The following SIPA1L1 variants were observed in gnomAD, a reference collection of about 807,000 sequenced individuals.
SIPA1L1 encodes signal-induced proliferation-associated 1-like protein 1.
A neutral mutation model predicts 162.7 loss-of-function variants in SIPA1L1; 26 were observed. The ratio of observed to expected loss-of-function variants is 0.16; its 90% CI spans 0.12 to 0.22. The LOEUF (loss-of-function observed/expected upper bound fraction) is 0.22. Among genes scored for constraint, SIPA1L1 ranks in the 10% least tolerant of loss-of-function variants. SIPA1L1 has a pLI of 1.00. For missense variants in SIPA1L1, 1,874 were observed against 2,241.0 expected (o/e 0.84, Z 3.31); for synonymous variants, 829 against 837.4 (o/e 0.99, Z 0.17).
intron 2 of SIPA1L1, among the ~76,000 whole-genome samples, chr14:71,500,046 A>T (rs955456160): frequency 2.0e-5 from 3 of 152,212 alleles, no homozygotes; most frequent in African/African-American, 7.2e-5. Context: ...TGCTAATATT[A>T]GTTGAATTAG....
At chr14:71,426,614 T>C (rs1050997278) in intron 2 of SIPA1L1, among the ~76,000 whole-genome samples, 5 of 151,684 alleles carry the variant, frequency 3.3e-5, no homozygotes, top group Non-Finnish European at 5.9e-5. Flanking sequence ...CTCAGCCTCC[T>C]GAGTAGCTGG....
At chr14:71,688,205 C>G (rs2081005830) in intron 13 of SIPA1L1, among the ~76,000 whole-genome samples, 1 of 152,126 alleles carries the variant, frequency 6.6e-6, no homozygotes, top group South Asian at 2.1e-4. Context: ...ATCCAAAAGT[C>G]TGAAATCTGT....
chr14:71,588,805 A>C lies in SIPA1L1; in HGVS notation c.933A>C (p.Ser311=), dbSNP rs779298092. 2 of 1,614,154 alleles carry C rather than the reference A, an allele frequency of 1.2e-6. No individual in the cohort carries two copies. The highest frequency in any genetic ancestry group is 1.7e-6 in the Non-Finnish European group (2 of 1,179,996). The change falls in exon 5 of 24, where the codon TCA becomes TCC. Residue 311 remains serine, a synonymous_variant. Coordinates refer to ENST00000381232, the MANE Select transcript of SIPA1L1 (RefSeq NM_001386936.1). This position sits in a 1 kb window ranked among gnomAD's most constrained non-coding sequence, Gnocchi z 4.3. ...AAGGTGAAGAACTTGGGAAGTCATC[A>C]GATCTTGAAGATAACCGATCAGAAG... ...NAKGEELGKS[S]DLEDNRSEDS...
At chr14:71,521,931 G>T (rs781049501) in intron 3 of SIPA1L1, among the ~76,000 whole-genome samples, 1 of 152,016 alleles carries the variant, frequency 6.6e-6, no homozygotes, top group African/African-American at 2.4e-5. Flanking sequence ...CCTTTATTTG[G>T]TTGTCATCTT....
At chr14:71,648,837 G>T (rs891282408) in intron 7 of SIPA1L1, among the ~76,000 whole-genome samples, 1 of 152,184 alleles carries the variant, frequency 6.6e-6, no homozygotes, top group African/African-American at 2.4e-5. Context: ...TTGAGTTCTG[G>T]TGATAGTTAA....
At chr14:71,670,854 TA>T (rs564168686) in intron 10 of SIPA1L1, among the ~76,000 whole-genome samples, 216 of 151,480 alleles carry the variant, frequency 1.4e-3, no homozygotes, top group Non-Finnish European at 2.5e-3. Flanking sequence ...TCCTGTCTGG[TA>T]AAAAAAAAGT....
At chr14:71,326,620 A>G (rs1363947630) in intron 2 of SIPA1L1, among the ~76,000 whole-genome samples, 6 of 151,308 alleles carry the variant, frequency 4.0e-5, no homozygotes, top group Admixed American at 6.6e-5. Context: ...AGACTTGACT[A>G]TGGTCAGTGT....
At chr14:71,455,424 T>C (rs1449269477) in intron 2 of SIPA1L1, among the ~76,000 whole-genome samples, 1 of 152,174 alleles carries the variant, frequency 6.6e-6, no homozygotes, top group East Asian at 1.9e-4. Context: ...GTTTATAGTT[T>C]AGAATTCTTT....
At chr14:71,390,904 A>C (rs918483796) in intron 2 of SIPA1L1, among the ~76,000 whole-genome samples, 3 of 152,040 alleles carry the variant, frequency 2.0e-5, no homozygotes, top group African/African-American at 7.2e-5. Flanking sequence ...CCTTCTATAG[A>C]ATTTTGATTT....
intron 17 of SIPA1L1, among the ~76,000 whole-genome samples, chr14:71,716,576 A>G (rs2083288385): frequency 6.6e-6 from 1 of 152,168 alleles, no homozygotes; most frequent in African/African-American, 2.4e-5. Flanking sequence ...CTCAGTGACG[A>G]TGCAGGAATT....
At chr14:71,611,458 A>G (rs1270888175) in intron 5 of SIPA1L1, among the ~76,000 whole-genome samples, 2 of 146,662 alleles carry the variant, frequency 1.4e-5, no homozygotes, top group African/African-American at 5.5e-5. Flanking sequence ...GGTTTGTTAC[A>G]TAGGTGTACA....
intron 4 of SIPA1L1, among the ~76,000 whole-genome samples, chr14:71,585,281 A>G (rs545130402): frequency 5.3e-5 from 8 of 152,268 alleles, no homozygotes; most frequent in South Asian, 4.1e-4. Context: ...TTTACAAGCC[A>G]TTAAAACGTG....
rs551002075 is a variant in SIPA1L1, at chr14:71,614,968, C to T, written c.1499-3789C>T. 5.3e-5 allele frequency among the ~76,000 whole-genome samples: 8 copies of T among 151,106 alleles called. No individual in the cohort carries two copies. The East Asian group carries it at 1.6e-3, about 29-fold the overall frequency. On this transcript the variant is annotated intron_variant, in intron 5 of 23. Coordinates refer to ENST00000381232, the MANE Select transcript of SIPA1L1 (RefSeq NM_001386936.1). ...TTTTTGTAATGTTTCTATTTTTGTT[C>T]TTGAGATATATTAAATATTTGGTTT...
rs1334735581 is a variant in SIPA1L1 at position 71,628,903 on chromosome 14, C to G, written c.1818+4667C>G. Among the ~76,000 whole-genome samples, 5 of 152,132 alleles carry G rather than the reference C, an allele frequency of 3.3e-5. No individual in the cohort carries two copies. In the East Asian group the frequency reaches 7.7e-4, roughly 23 times the overall value. On this transcript the variant is annotated intron_variant, in intron 7 of 23. Coordinates refer to ENST00000381232, the MANE Select transcript of SIPA1L1 (RefSeq NM_001386936.1). ...TGAGGCAGCAAGGAATCCCGCTGAGCAGGAGTGTGAGGCACATGTAAGGGA... is the reference window on the plus strand; with the variant it reads ...TGAGGCAGCAAGGAATCCCGCTGAGGAGGAGTGTGAGGCACATGTAAGGGA...
chr14:71,551,640 T>C (rs2055840351), intron 4 of SIPA1L1, among the ~76,000 whole-genome samples: 1 of 152,248 alleles, frequency 6.6e-6, no homozygotes, highest in Non-Finnish European at 1.5e-5. Flanking sequence ...GAGACAGTGA[T>C]GTGGAACCTG....
intron 4 of SIPA1L1, among the ~76,000 whole-genome samples, chr14:71,544,004 CATGTATATATACACATACGCACATGT>C (rs1567179648): frequency 4.1e-5 from 6 of 147,760 alleles, no homozygotes; most frequent in Non-Finnish European, 5.9e-5. Flanking sequence ...CACACACGCA[CATGTATATATACACATACGCACATGT>C]ATGTATATAC....
intron 2 of SIPA1L1, among the ~76,000 whole-genome samples, chr14:71,331,765 C>T (rs1323206504): frequency 3.3e-5 from 5 of 152,094 alleles, no homozygotes; most frequent in Non-Finnish European, 5.9e-5. Flanking sequence ...CCTGTATCTG[C>T]TTGTTGAATA....
At chr14:71,680,974 C>T (rs534060004) in intron 12 of SIPA1L1, among the ~76,000 whole-genome samples, 1 of 152,212 alleles carries the variant, frequency 6.6e-6, no homozygotes, top group East Asian at 1.9e-4. Context: ...ACTCCCTCCT[C>T]TACCCAGCTC....
At chr14:71,691,596 C>T (rs2081259402) in intron 13 of SIPA1L1, among the ~76,000 whole-genome samples, 1 of 152,060 alleles carries the variant, frequency 6.6e-6, no homozygotes, top group Admixed American at 6.6e-5. Context: ...CTGTCCCTCC[C>T]AAAAAGTTTG....
Sources: gnomAD v4.1 joint callset for allele counts (sites outside exome capture counted in the v4.1 genomes callset) on GRCh38, gnomAD v4.1.1 for gene constraint, Gnocchi (gnomAD v3.1) non-coding constraint, MANE v1.5 for transcripts, NCBI Gene and HGNC (gene_info 2026-07-23, HGNC 2026-07-21) for gene names.